Variants in CSMD1 observed in about 807,000 individuals in gnomAD.
CSMD1 encodes the protein CUB and Sushi multiple domains 1, also known as CUB and sushi domain-containing protein 1.
Under a neutral mutation model 417.5 loss-of-function variants are expected in CSMD1, and 213 were observed. That is an observed-to-expected ratio of 0.51 (90% confidence interval 0.46 to 0.57). CSMD1 has a LOEUF of 0.57. Ranked by LOEUF, CSMD1 falls within the 20% of genes least tolerant of loss-of-function variation. The pLI, the probability that CSMD1 is intolerant of heterozygous loss-of-function variation, is 0.00. For synonymous variants in CSMD1, 2,862 were observed against 1,736.8 expected, an observed-to-expected ratio of 1.65 and a Z score of -16.11; for missense variants, 6,923 against 4,529.7, an observed-to-expected ratio of 1.53 and a Z score of -15.17.
At chr8:4,943,164 C>T (rs1585378061) in intron 1 of CSMD1, among the ~76,000 whole-genome samples, 2 of 152,134 alleles carry the variant, frequency 1.3e-5, no homozygotes, top group Non-Finnish European at 1.5e-5. Flanking sequence ...GTAAGGTCTT[C>T]ATTATGTATA....
In CSMD1 at chr8:3,943,566, A is replaced by G. The variant is rs540861739; in HGVS notation, c.818+54337T>C. On this transcript the variant is annotated intron_variant, in intron 5 of 69. Transcript: ENST00000635120. ...ATCTCTCAAAAAATATGTATTATTT[A>G]CAAAAAGAAAAATAGTGACTTTTCA... Among the ~76,000 whole-genome samples, 4 of 152,254 alleles carry G rather than the reference A, an allele frequency of 2.6e-5. No individual in the cohort carries two copies. The South Asian group carries it at 8.3e-4, about 32-fold the overall frequency.
chr8:3,726,439 C>G (rs1450367316), intron 6 of CSMD1, among the ~76,000 whole-genome samples: 1 of 152,142 alleles, frequency 6.6e-6, no homozygotes, highest in Non-Finnish European at 1.5e-5. Context: ...GTGACAAGGA[C>G]AGGGGTCAGC....
At chr8:4,892,768 TATAATA>T (rs1244881773) in intron 1 of CSMD1, among the ~76,000 whole-genome samples, 19 of 152,208 alleles carry the variant, frequency 1.2e-4, no homozygotes, top group Non-Finnish European at 2.5e-4. Context: ...CTTTGTATTA[TATAATA>T]ATAATAGGGT....
chr8:4,438,362 T>C (rs922009804), intron 2 of CSMD1, among the ~76,000 whole-genome samples: 2 of 152,178 alleles, frequency 1.3e-5, no homozygotes, highest in South Asian at 2.1e-4. Flanking sequence ...CATCACCCCT[T>C]TCTCACTGGA....
At chr8:3,555,412 C>G (rs1415741116) in intron 10 of CSMD1, among the ~76,000 whole-genome samples, 25 of 152,080 alleles carry the variant, frequency 1.6e-4, no homozygotes. Flanking sequence ...ATCATCCCAC[C>G]TGCTCTTCCT....
At chr8:3,457,850 T>C (rs933393740) in intron 12 of CSMD1, among the ~76,000 whole-genome samples, 1 of 152,166 alleles carries the variant, frequency 6.6e-6, no homozygotes, top group African/African-American at 2.4e-5. Flanking sequence ...GTGGTAAAGA[T>C]GTGGGAGAAT....
chr8:4,984,035 G>C (rs985513688), intron 1 of CSMD1, among the ~76,000 whole-genome samples: 1 of 152,180 alleles, frequency 6.6e-6, no homozygotes, highest in African/African-American at 2.4e-5. Context: ...GGAGGACTTT[G>C]AAAGTCAGTT....
At chr8:4,860,279 G>T (rs1281029734) in intron 1 of CSMD1, among the ~76,000 whole-genome samples, 41 of 103,658 alleles carry the variant, frequency 4.0e-4, no homozygotes, top group Non-Finnish European at 6.3e-4. Context: ...GGGGAGGGGG[G>T]AGGGATAGCA....
intron 3 of CSMD1, among the ~76,000 whole-genome samples, chr8:4,087,604 T>C (rs566931749): frequency 6.6e-6 from 1 of 152,270 alleles, no homozygotes; most frequent in Non-Finnish European, 1.5e-5. Context: ...TTTCTGTCTC[T>C]CTCTCATTCC....
At chr8:4,132,324 A>C (rs996179069) in intron 3 of CSMD1, among the ~76,000 whole-genome samples, 3 of 152,014 alleles carry the variant, frequency 2.0e-5, no homozygotes, top group Admixed American at 2.0e-4. Flanking sequence ...GCAAGACACA[A>C]AGGAGAATAT....
intron 3 of CSMD1, among the ~76,000 whole-genome samples, chr8:4,152,427 C>T (rs992060732): frequency 6.6e-6 from 1 of 151,958 alleles, no homozygotes; most frequent in South Asian, 2.1e-4. Context: ...ACCTGTAATC[C>T]CAGCAATTTG....
At chr8:3,834,555 T>G (rs1383795405) in intron 5 of CSMD1, among the ~76,000 whole-genome samples, 1 of 152,192 alleles carries the variant, frequency 6.6e-6, no homozygotes, top group Non-Finnish European at 1.5e-5. Flanking sequence ...ACTGGCTGAT[T>G]TAAATGTATC....
intron 2 of CSMD1, among the ~76,000 whole-genome samples, chr8:4,491,206 T>A (rs571128347): frequency 6.6e-6 from 1 of 152,078 alleles, no homozygotes; most frequent in South Asian, 2.1e-4. Flanking sequence ...AAATACAAGT[T>A]AAAATAAATA....
At chr8:3,067,402 G>A (rs1813007634) in intron 49 of CSMD1, among the ~76,000 whole-genome samples, 1 of 152,068 alleles carries the variant, frequency 6.6e-6, no homozygotes, top group Non-Finnish European at 1.5e-5. Flanking sequence ...GCAGGCTCAT[G>A]CTTCTTTCAA....
chr8:4,847,558 T>C (rs1213391901), intron 1 of CSMD1, among the ~76,000 whole-genome samples: 3 of 152,184 alleles, frequency 2.0e-5, no homozygotes, highest in African/African-American at 7.2e-5. Context: ...AATATTTTAT[T>C]AAAGAGTCCA....
intron 5 of CSMD1, among the ~76,000 whole-genome samples, chr8:3,786,567 C>A (rs777593797): frequency 2.6e-5 from 4 of 152,158 alleles, no homozygotes; most frequent in Non-Finnish European, 4.4e-5. Context: ...GACTTTACAA[C>A]GGCCTAGGAT....
chr8:3,850,812 AG>A (rs1264594115), intron 5 of CSMD1, among the ~76,000 whole-genome samples: 1 of 152,234 alleles, frequency 6.6e-6, no homozygotes, highest in Non-Finnish European at 1.5e-5. Flanking sequence ...AAAGGAACAA[AG>A]CTCAAAAGTT....
intron 16 of CSMD1, among the ~76,000 whole-genome samples, chr8:3,397,210 G>C (rs1811758329): frequency 6.6e-6 from 1 of 152,142 alleles, no homozygotes; most frequent in East Asian, 1.9e-4. Flanking sequence ...TCAGGGAGCA[G>C]CTTAAGCGTC....
chr8:4,803,523 A>G (rs1474915583), intron 1 of CSMD1, among the ~76,000 whole-genome samples: 2 of 152,152 alleles, frequency 1.3e-5, no homozygotes. Flanking sequence ...GACCAGAACT[A>G]CCAGAGACAA....
Sources: allele counts gnomAD v4.1 joint callset (sites outside exome capture counted in the v4.1 genomes callset), GRCh38; gene constraint gnomAD v4.1.1; transcripts MANE v1.5; gene names NCBI Gene and HGNC (gene_info 2026-07-23, HGNC 2026-07-21).